The following SPIRE1 variants were observed in gnomAD, a reference collection of about 807,000 sequenced individuals.
SPIRE1 encodes spire type actin nucleation factor 1.
In SPIRE1, 40 loss-of-function variants were observed where a neutral mutation model predicts 94.1. The ratio of observed to expected loss-of-function variants is 0.43; its 90% CI spans 0.33 to 0.55. The LOEUF (loss-of-function observed/expected upper bound fraction) is 0.55. SPIRE1 is among the 20% of genes least tolerant of loss of function. SPIRE1 has a pLI of 0.06. For missense variants in SPIRE1, 838 were observed against 975.2 expected (o/e 0.86, Z 1.87); for synonymous variants, 376 against 371.7 (o/e 1.01, Z -0.13).
At chr18:12,527,781 T>C (rs370518087) in intron 4 of SPIRE1, among the ~76,000 whole-genome samples, 2 of 151,946 alleles carry the variant, frequency 1.3e-5, no homozygotes, top group Non-Finnish European at 1.5e-5. Flanking sequence ...AATAAAAATA[T>C]GTTGGCCAGG....
At chr18:12,633,839 A>G (rs1045006575) in intron 2 of SPIRE1, among the ~76,000 whole-genome samples, 2 of 152,204 alleles carry the variant, frequency 1.3e-5, no homozygotes, top group Non-Finnish European at 1.5e-5. Flanking sequence ...TACTGAAAAG[A>G]ACACCACACA....
chr18:12,626,887 T>TATATA (rs1555634099), intron 2 of SPIRE1, among the ~76,000 whole-genome samples: 3,542 of 53,302 alleles, frequency 0.066, 55 homozygotes, highest in Non-Finnish European at 0.12. Flanking sequence ...TATATATATA[T>TATATA]TTTTTTTTTT....
chr18:12,500,410 A>T (rs183732924), intron 6 of SPIRE1, among the ~76,000 whole-genome samples: 3 of 152,346 alleles, frequency 2.0e-5, no homozygotes, highest in Admixed American at 2.0e-4. Context: ...CCACAATGAG[A>T]CATCATATCA....
chr18:12,563,971 AT>A (rs746446751), intron 2 of SPIRE1, among the ~76,000 whole-genome samples: 1 of 152,174 alleles, frequency 6.6e-6, no homozygotes, highest in African/African-American at 2.4e-5. Context: ...TAGAGTATAT[AT>A]ATTATGTTTT....
rs1297009351 is a variant in SPIRE1 at position 12,546,794 on chromosome 18, G to A, written c.483C>T (p.Ala161=). 1.9e-6 allele frequency: 3 copies of A among 1,613,820 alleles called. No individual in the cohort carries two copies. The highest frequency in any genetic ancestry group is 2.5e-6 in the Non-Finnish European group (3 of 1,179,960). ...TGCTACCGTCAGCTTCCACCGTGTT[G>A]GCCATGTGATCGATAAGCTGCTCTA... The part of the protein sequence containing the change: ...PPLEQLIDHM[A]NTVEADGSND... Residue 161 remains alanine (A), a synonymous_variant, in exon 3 of 17, where the codon GCC becomes GCT. Coordinates refer to ENST00000409402, the MANE Select transcript of SPIRE1 (RefSeq NM_001128626.2).
chr18:12,507,571 C>T (rs766877389), intron 5 of SPIRE1, among the ~76,000 whole-genome samples: 15 of 151,686 alleles, frequency 9.9e-5, no homozygotes, highest in Middle Eastern at 3.4e-3. Flanking sequence ...TGGTGGTGTG[C>T]GCCTGTAATT....
intron 3 of SPIRE1, among the ~76,000 whole-genome samples, chr18:12,542,395 G>A (rs773462008): frequency 5.9e-5 from 9 of 152,102 alleles, no homozygotes; most frequent in Non-Finnish European, 1.0e-4. Flanking sequence ...GTCACATGTG[G>A]CTAGTAACTA....
chr18:12,647,341 G>A (rs1294555465), intron 1 of SPIRE1, among the ~76,000 whole-genome samples: 1 of 152,132 alleles, frequency 6.6e-6, no homozygotes, highest in East Asian at 1.9e-4. Flanking sequence ...CAAAAGACAC[G>A]TGCAGTAATG....
chr18:12,581,810 G>C (rs1344624226), intron 2 of SPIRE1, among the ~76,000 whole-genome samples: 1 of 151,938 alleles, frequency 6.6e-6, no homozygotes, highest in African/African-American at 2.4e-5. Context: ...GTTGCAGTGA[G>C]CCAAGATCAC....
chr18:12,572,854 A>G (rs1471370596), intron 2 of SPIRE1, among the ~76,000 whole-genome samples: 1 of 152,204 alleles, frequency 6.6e-6, no homozygotes, highest in African/African-American at 2.4e-5. Context: ...GAATCTAGAC[A>G]TGGACCTTAA....
At chr18:12,479,923 T>C (rs759748835) in intron 9 of SPIRE1, 52 bp from the exon 10 acceptor site, 2 of 1,547,028 alleles carry the variant, frequency 1.3e-6, no homozygotes, top group Non-Finnish European at 1.8e-6. Flanking sequence ...AGGTTATCTG[T>C]GTTGGAAGCA....
intron 10 of SPIRE1, among the ~76,000 whole-genome samples, chr18:12,471,944 C>T (rs1016168118): frequency 5.9e-5 from 9 of 151,956 alleles, no homozygotes; most frequent in Non-Finnish European, 1.0e-4. Flanking sequence ...ACCACCACAC[C>T]GGGCTAATTT....
chr18:12,508,081 G>A (rs1439619784), intron 5 of SPIRE1, among the ~76,000 whole-genome samples: 3 of 152,030 alleles, frequency 2.0e-5, no homozygotes, highest in Admixed American at 1.3e-4. Flanking sequence ...GGGAGGCGGA[G>A]GTTGCAGTGA....
chr18:12,523,362 T>C (rs1465482151), intron 4 of SPIRE1, among the ~76,000 whole-genome samples: 1 of 152,236 alleles, frequency 6.6e-6, no homozygotes, highest in Non-Finnish European at 1.5e-5. Flanking sequence ...CTGGTGATGA[T>C]GCTGTGCACA....
chr18:12,579,225 AC>A (rs2036195598), intron 2 of SPIRE1, among the ~76,000 whole-genome samples: 1 of 149,554 alleles, frequency 6.7e-6, no homozygotes, highest in Non-Finnish European at 1.5e-5. Context: ...ACACACACAC[AC>A]ACACACAAAA....
intron 3 of SPIRE1, among the ~76,000 whole-genome samples, chr18:12,541,320 G>A (rs983183420): frequency 6.6e-6 from 1 of 152,082 alleles, no homozygotes; most frequent in African/African-American, 2.4e-5. Context: ...CTCTGCAGTG[G>A]GTGGGTGGCA....
At chr18:12,504,533 G>A (rs937692706) in intron 6 of SPIRE1, among the ~76,000 whole-genome samples, 1 of 152,062 alleles carries the variant, frequency 6.6e-6, no homozygotes, top group Admixed American at 6.6e-5. Context: ...AAAACCAAGT[G>A]ATGTTTCATA....
chr18:12,601,977 G>A (rs746390273), intron 2 of SPIRE1, among the ~76,000 whole-genome samples: 2 of 152,118 alleles, frequency 1.3e-5, no homozygotes, highest in African/African-American at 4.8e-5. Flanking sequence ...AGTGGGGAAG[G>A]CTATTTAGAA....
rs369820393 is a variant in SPIRE1, at chr18:12,449,634, A to G, written c.*4T>C. On this transcript the variant is annotated 3_prime_UTR_variant, in exon 17 of 17. Transcript: ENST00000409402. ...AGCACAAAAGCAGCTGAAAGGCACGAGGCTCAGATCTCACTGATCGTCCTC... is the reference window on the plus strand; with the variant it reads ...AGCACAAAAGCAGCTGAAAGGCACGGGGCTCAGATCTCACTGATCGTCCTC... 6.2e-7 allele frequency: 1 copy of G among 1,612,392 alleles called. No individual in the cohort carries two copies. Among genetic ancestry groups the G allele is most frequent in the African/African-American group, 1.3e-5 (1 of 74,898 alleles).
Sources: gnomAD v4.1 joint callset for allele counts (sites outside exome capture counted in the v4.1 genomes callset) on GRCh38, gnomAD v4.1.1 for gene constraint, MANE v1.5 for transcripts, NCBI Gene and HGNC (gene_info 2026-07-23, HGNC 2026-07-21) for gene names.